VIRMA: variants seen among roughly 807,000 people sequenced by gnomAD.
The protein encoded by VIRMA is protein virilizer homolog.
Under a neutral mutation model 182.4 loss-of-function variants are expected in VIRMA, and 65 were observed. That is an observed-to-expected ratio of 0.36 (90% confidence interval 0.29 to 0.44). The LOEUF (loss-of-function observed/expected upper bound fraction) is 0.44. Ranked by LOEUF, VIRMA falls within the 20% of genes least tolerant of loss-of-function variation. The probability of loss-of-function intolerance (pLI) is 1.00; values close to 1 mark genes in which losing one functional copy is unlikely to be tolerated. For missense variants in VIRMA, 1,752 were observed against 2,158.1 expected, an observed-to-expected ratio of 0.81 and a Z score of 3.73; for synonymous variants, 709 against 743.1, an observed-to-expected ratio of 0.95 and a Z score of 0.75.
At chr8:94,490,399 C>T (rs748772617) in intron 22 of VIRMA, among the ~76,000 whole-genome samples, 3 of 152,186 alleles carry the variant, frequency 2.0e-5, no homozygotes, top group Non-Finnish European at 2.9e-5. Context: ...ATGTAAAGTG[C>T]TTATAACAGT....
intron 7 of VIRMA, among the ~76,000 whole-genome samples, chr8:94,527,844 T>G (rs1306112104): frequency 6.6e-6 from 1 of 152,210 alleles, no homozygotes; most frequent in Non-Finnish European, 1.5e-5. Flanking sequence ...TAGATTCGTT[T>G]TATAACAATT....
intron 20 of VIRMA, among the ~76,000 whole-genome samples, chr8:94,493,219 A>C (rs901708798): frequency 5.3e-5 from 8 of 152,236 alleles, no homozygotes; most frequent in African/African-American, 1.7e-4. Flanking sequence ...TCTGTGCCAC[A>C]GATTCCCAAA....
rs551704371 is a variant in VIRMA at position 94,524,279 on chromosome 8, G to A, written c.2021+1944C>T. Among the ~76,000 whole-genome samples, 100 of 151,348 alleles carry A rather than the reference G, an allele frequency of 6.6e-4. 1 individual carries two copies. Among genetic ancestry groups the A allele is most frequent in the Admixed American group, 5.9e-4 (9 of 15,140 alleles). On this transcript the variant is annotated intron_variant, in intron 8 of 23. Transcript: ENST00000297591. ...GTCCCAAAGTGCTGGGATTATAGGC[G>A]TGAGCCACCATGCCTGGCCGGTGTT...
chr8:94,551,793 T>C (rs972639794), intron 1 of VIRMA, among the ~76,000 whole-genome samples: 2 of 152,222 alleles, frequency 1.3e-5, no homozygotes, highest in Admixed American at 1.3e-4. Context: ...GGTGTGATCT[T>C]AGCTCACTGC....
Position 94,495,911 on chromosome 8 carries a change from GAAT to G in VIRMA, c.4384-23_4384-21del, listed in dbSNP as rs1563678228. 2.5e-6 allele frequency: 4 copies of G among 1,604,176 alleles called. No individual in the cohort carries two copies. The highest frequency in any genetic ancestry group is 3.4e-6 in the Non-Finnish European group (4 of 1,175,656). ...ATGTTCCTAGATACAAATAAAGGCA[GAAT>G]AAGAAGGTGCAGGTAAAACTTATGT... On this transcript the variant is annotated intron_variant, in intron 18 of 23. Coordinates refer to ENST00000297591, the MANE Select transcript of VIRMA (RefSeq NM_015496.5).
intron 13 of VIRMA, 182 bp downstream of exon 13, chr8:94,511,003 A>AC: frequency 7.2e-7 from 1 of 1,391,912 alleles, no homozygotes; most frequent in East Asian, 2.6e-5. Context: ...TTTATTTAAA[A>AC]TGTTACCCCC....
At chr8:94,499,557 T>C (rs56372696) in intron 16 of VIRMA, 51 bp from the exon 17 acceptor site, 210,434 of 1,236,656 alleles carry the variant, frequency 0.17, 19,559 homozygotes, top group Middle Eastern at 0.29. Context: ...TATGAGCATA[T>C]AAAACTGGTA....
Position 94,543,910 on chromosome 8 carries a change from T to A in VIRMA, c.96A>T (p.Pro32=), listed in dbSNP as rs754991422. 6.2e-7 allele frequency: 1 copy of A among 1,612,236 alleles called. No individual in the cohort carries two copies. Among genetic ancestry groups the A allele is most frequent in the Non-Finnish European group, 8.5e-7 (1 of 1,178,878 alleles). ...QSSHIDVVRF[P]CVVYINEVRV... ...GGACTTCATTGATATAAACCACACA[T>A]GGAAAACGAACCACATCTATATGAG... is the stretch of plus-strand genomic sequence containing the variant. The change falls in exon 2 of 24, where the codon CCA becomes CCT. Residue 32 remains proline (P), a synonymous_variant. Transcript: ENST00000297591.
At chr8:94,527,862 C>T (rs1252372060) in intron 7 of VIRMA, among the ~76,000 whole-genome samples, 1 of 152,162 alleles carries the variant, frequency 6.6e-6, no homozygotes, top group African/African-American at 2.4e-5. Flanking sequence ...ATTTCACATT[C>T]CAGAATTTTT....
chr8:94,499,078 C>A, intron 17 of VIRMA: 1 of 166,664 alleles, frequency 6.0e-6, no homozygotes, highest in Non-Finnish European at 1.3e-5. Flanking sequence ...GAGACTCTAT[C>A]TAAAATAAAA....
Position 94,529,217 on chromosome 8 carries a change from G to C in VIRMA, c.733C>G (p.Gln245Glu), listed in dbSNP as rs767864224. Residue 245 changes from glutamine (Q) to glutamate (E), a missense_variant, in exon 7 of 24, where the codon CAA becomes GAA. By Grantham distance (29) the Gln-to-Glu change is conservative. Coordinates refer to ENST00000297591, the MANE Select transcript of VIRMA (RefSeq NM_015496.5). ...SDEGEVEEEQ[Q>E]EEGEEDEDDV... is the part of the protein sequence containing the mutation. ...TCTTCATCTTCTTCTCCTTCTTCTT[G>C]TTGTTCCTCTTCTACTTCTCCTTCA... The C allele has an allele frequency of 1.1e-4, 169 of 1,536,548 alleles. No homozygotes were observed. Among genetic ancestry groups the C allele is most frequent in the Middle Eastern group, 3.4e-4 (2 of 5,938 alleles).
chr8:94,489,111 C>A (rs1813536117), intron 23 of VIRMA, among the ~76,000 whole-genome samples: 2 of 152,014 alleles, frequency 1.3e-5, no homozygotes, highest in Non-Finnish European at 2.9e-5. Flanking sequence ...CCAAAAGCTA[C>A]TTCTGATAAG....
At chr8:94,536,990 A>AG (rs1315464507) in intron 4 of VIRMA, 113 bp downstream of exon 4, 2 of 793,460 alleles carry the variant, frequency 2.5e-6, no homozygotes, top group Non-Finnish European at 2.1e-6. Context: ...AAAAACACAA[A>AG]GAAAAAAAAA....
At chr8:94,549,751 T>C (rs539212461) in intron 1 of VIRMA, among the ~76,000 whole-genome samples, 165 of 152,322 alleles carry the variant, frequency 1.1e-3, no homozygotes, top group African/African-American at 3.4e-3. Context: ...GAAAGTCACC[T>C]CATCTCTCAG....
chr8:94,534,996 A>G lies in VIRMA; in HGVS notation c.327T>C (p.Asp109=). 1 of 1,596,810 alleles carries G rather than the reference A, an allele frequency of 6.3e-7. No individual in the cohort carries two copies. The highest frequency in any genetic ancestry group is 8.5e-7 in the Non-Finnish European group (1 of 1,175,356). ...TATACCAGCCTCTTAGCACCAGACC[A>G]TCAGTATTCACCTGATTTTCAGGGA... is the stretch of plus-strand genomic sequence containing the variant. ...IFRPNSKVNT[D]GLVLRGWYNC... Residue 109 remains aspartate (D), a synonymous_variant, in exon 5 of 24, where the codon GAT becomes GAC. Transcript: ENST00000297591.
chr8:94,519,595 T>C (rs1366548488), intron 8 of VIRMA, 119 bp from the exon 9 acceptor site: 2 of 999,072 alleles, frequency 2.0e-6, no homozygotes, highest in Non-Finnish European at 2.9e-6. Context: ...CTCAGTAATA[T>C]ACTGCTTTAA....
rs1815148229 is a variant in VIRMA, at chr8:94,530,877, G to A, written c.607+86C>T. ...CAGTGAGCCACTGTACTCCACCCTG[G>A]GCAACAGAGTGAGACCATCTCAAAA... On this transcript the variant is annotated intron_variant, in intron 6 of 23. Transcript: ENST00000297591. 2.7e-5 allele frequency: 39 copies of A among 1,449,118 alleles called. No individual in the cohort carries two copies. The Admixed American group carries it at 8.6e-4, about 32-fold the overall frequency. The allele number at this position is 1,449,118 out of a possible 1,614,324, so 89.8% of individuals were successfully genotyped here.
At chr8:94,535,343 A>G (rs1480152574) in intron 4 of VIRMA, among the ~76,000 whole-genome samples, 1 of 152,180 alleles carries the variant, frequency 6.6e-6, no homozygotes. Flanking sequence ...TTAAACCCCA[A>G]TAGGTACAGG....
At chr8:94,500,170 C>T (rs1353008227) in intron 16 of VIRMA, among the ~76,000 whole-genome samples, 1 of 118,340 alleles carries the variant, frequency 8.5e-6, no homozygotes, top group East Asian at 3.3e-4. Flanking sequence ...GAGGTCGAGG[C>T]GGGCAGATCA....
Sources: gnomAD v4.1 joint callset for allele counts (sites outside exome capture counted in the v4.1 genomes callset) on GRCh38, gnomAD v4.1.1 for gene constraint, MANE v1.5 for transcripts, NCBI Gene and HGNC (gene_info 2026-07-23, HGNC 2026-07-21) for gene names.